RGS6: variants seen among roughly 807,000 people sequenced by gnomAD.
RGS6 encodes regulator of G-protein signaling 6.
RGS6 carries 30 observed loss-of-function variants against 78.5 expected under a neutral mutation model. The observed-to-expected ratio is 0.38, with a 90% CI of 0.29 to 0.52. RGS6 has a LOEUF of 0.52. RGS6 is among the 20% of genes least tolerant of loss of function. The pLI, the probability that RGS6 is intolerant of heterozygous loss-of-function variation, is 0.85. For synonymous variants in RGS6, 206 were observed against 206.0 expected (o/e 1.00, Z 0.00); for missense variants, 495 against 609.7 (o/e 0.81, Z 1.98).
At chr14:72,110,771 C>T (rs1175815350) in intron 2 of RGS6, among the ~76,000 whole-genome samples, 7 of 152,186 alleles carry the variant, frequency 4.6e-5, no homozygotes, top group Non-Finnish European at 7.3e-5. Flanking sequence ...GTCTGATCTT[C>T]TATATTCATT....
At chr14:72,104,927 A>G (rs1162532390) in intron 2 of RGS6, among the ~76,000 whole-genome samples, 3 of 152,202 alleles carry the variant, frequency 2.0e-5, no homozygotes, top group Non-Finnish European at 2.9e-5. Flanking sequence ...GGATCTGACT[A>G]TGGTTCCATC....
At chr14:72,172,864 AAAT>A (rs1470303422) in intron 2 of RGS6, among the ~76,000 whole-genome samples, 1 of 152,202 alleles carries the variant, frequency 6.6e-6, no homozygotes, top group Admixed American at 6.5e-5. Context: ...TTCTGATGAC[AAAT>A]AATGTTGGCT....
At chr14:72,588,342 A>G in the RGS6 span, among the ~76,000 whole-genome samples, 1 of 152,006 alleles carries the variant, frequency 6.6e-6, no homozygotes, top group African/African-American at 2.4e-5. Context: ...AGGGACTGTC[A>G]CTCCTGAGCT....
At chr14:72,414,210 C>A (rs1336995638) in intron 3 of RGS6, among the ~76,000 whole-genome samples, 6 of 152,232 alleles carry the variant, frequency 3.9e-5, no homozygotes, top group African/African-American at 1.4e-4. Context: ...GTACACCAAT[C>A]AGACGTAGAT....
chr14:72,394,184 G>C (rs2090626944), intron 3 of RGS6, among the ~76,000 whole-genome samples: 2 of 152,016 alleles, frequency 1.3e-5, no homozygotes, highest in African/African-American at 2.4e-5. Context: ...AGAGTACAAA[G>C]AGATAAATTT....
At chr14:72,314,869 T>C (rs928824077) in intron 2 of RGS6, among the ~76,000 whole-genome samples, 2 of 152,172 alleles carry the variant, frequency 1.3e-5, no homozygotes, top group Admixed American at 6.5e-5. Context: ...TTATAGAAAA[T>C]TTATTCCTCA....
At chr14:72,375,316 T>C (rs554930878) in intron 3 of RGS6, among the ~76,000 whole-genome samples, 1 of 152,160 alleles carries the variant, frequency 6.6e-6, no homozygotes, top group Non-Finnish European at 1.5e-5. Context: ...TGAAAACAAA[T>C]CTATATCTAG....
At chr14:72,258,811 T>C (rs1030475480) in intron 2 of RGS6, among the ~76,000 whole-genome samples, 14 of 152,112 alleles carry the variant, frequency 9.2e-5, no homozygotes, top group Non-Finnish European at 1.6e-4. Flanking sequence ...TAACATAAAT[T>C]AAAAGTAGAT....
intron 2 of RGS6, among the ~76,000 whole-genome samples, chr14:72,324,146 C>T (rs1234382761): frequency 6.6e-6 from 1 of 152,084 alleles, no homozygotes; most frequent in East Asian, 1.9e-4. Flanking sequence ...ATTTATATCT[C>T]TATATCCTAA....
intron 17 of RGS6, chr14:72,552,612 G>C (rs1237965007): frequency 6.6e-6 from 1 of 152,208 alleles, no homozygotes; most frequent in Non-Finnish European, 1.5e-5. Flanking sequence ...GAGCCACCCT[G>C]AGCAATGCAA....
intron 2 of RGS6, among the ~76,000 whole-genome samples, chr14:72,073,499 G>A (rs975923931): frequency 7.2e-5 from 11 of 152,116 alleles, no homozygotes; most frequent in African/African-American, 2.2e-4. Flanking sequence ...TGGGTGGTCC[G>A]AGCCTGTCCT....
At chr14:72,210,808 G>GT (rs2043927452) in intron 2 of RGS6, among the ~76,000 whole-genome samples, 1 of 151,446 alleles carries the variant, frequency 6.6e-6, no homozygotes, top group South Asian at 2.1e-4. Context: ...TTTTCTACCA[G>GT]TTTTTTTGTT....
In RGS6 at chr14:72,480,852, C is replaced by T. The variant is rs147149438; in HGVS notation, c.854+2523C>T. Among the ~76,000 whole-genome samples, 83 of 152,254 alleles carry T rather than the reference C, an allele frequency of 5.5e-4. 1 individual carries two copies. In the East Asian group the frequency reaches 0.016, roughly 29 times the overall value. On this transcript the variant is annotated intron_variant, in intron 12 of 17. Transcript: ENST00000553525. ...TTCCATATCCCCCAGGAAACCGCAT[C>T]CCCCAGGAAAGGTCTTCATCATTTT...
intron 14 of RGS6, among the ~76,000 whole-genome samples, chr14:72,517,459 T>G (rs2096964357): frequency 6.6e-6 from 1 of 150,614 alleles, no homozygotes; most frequent in Admixed American, 6.7e-5. Context: ...CTGCTGCTGC[T>G]CTCAGCAGAA....
intron 2 of RGS6, among the ~76,000 whole-genome samples, chr14:71,988,904 T>C (rs1162907630): frequency 6.6e-6 from 1 of 152,212 alleles, no homozygotes; most frequent in African/African-American, 2.4e-5. Context: ...AAATAATATG[T>C]TTCCTTTCCT....
intron 17 of RGS6, among the ~76,000 whole-genome samples, chr14:72,553,785 A>G (rs1197125137): frequency 1.3e-5 from 2 of 152,222 alleles, no homozygotes; most frequent in African/African-American, 2.4e-5. Context: ...GAAAGCTTCC[A>G]TAACTCTTCC....
At chr14:72,268,770 C>T (rs1395834304) in intron 2 of RGS6, among the ~76,000 whole-genome samples, 1 of 152,048 alleles carries the variant, frequency 6.6e-6, no homozygotes, top group Non-Finnish European at 1.5e-5. Context: ...ACCATCCCGC[C>T]CCATAAGACA....
At chr14:72,230,730 G>A (rs985027028) in intron 2 of RGS6, among the ~76,000 whole-genome samples, 1 of 152,170 alleles carries the variant, frequency 6.6e-6, no homozygotes. Context: ...CTTCCTCGGG[G>A]AAACCTCAAT....
intron 2 of RGS6, among the ~76,000 whole-genome samples, chr14:72,313,046 C>T (rs1166062815): frequency 1.3e-5 from 2 of 152,240 alleles, no homozygotes; most frequent in South Asian, 4.1e-4. Flanking sequence ...GGAGCTGCAG[C>T]GACTTGAGTT....
Sources: allele counts gnomAD v4.1 joint callset (sites outside exome capture counted in the v4.1 genomes callset), GRCh38; gene constraint gnomAD v4.1.1; transcripts MANE v1.5; gene names NCBI Gene and HGNC (gene_info 2026-07-23, HGNC 2026-07-21).